Variants in CADPS observed in about 807,000 individuals in gnomAD.
CADPS encodes the protein calcium dependent secretion activator.
Under a neutral mutation model 167.3 loss-of-function variants are expected in CADPS, and 57 were observed. The observed-to-expected ratio is 0.34, with a 90% CI of 0.28 to 0.42. The LOEUF is 0.42. Ranked by LOEUF, CADPS falls within the 20% of genes least tolerant of loss-of-function variation. CADPS has a pLI of 1.00. For synonymous variants in CADPS, 676 were observed against 635.3 expected (o/e 1.06, Z -0.96); for missense variants, 1,414 against 1,738.1 (o/e 0.81, Z 3.32).
intron 1 of CADPS, among the ~76,000 whole-genome samples, chr3:62,819,688 G>T (rs1199816026): frequency 6.6e-6 from 1 of 152,046 alleles, no homozygotes; most frequent in Non-Finnish European, 1.5e-5. Flanking sequence ...CAGTCATATG[G>T]GCACTCCATC....
rs56068003 is a variant in CADPS, at chr3:62,400,604, T to TC, written c.3883-1020_3883-1019insG. On this transcript the variant is annotated intron_variant, in intron 29 of 29. Coordinates refer to ENST00000383710, the MANE Select transcript of CADPS (RefSeq NM_003716.4). ...ATCATTCTTTCTTTTTTTTTTTCTT[T>TC]TTTTTTTTTTTTCAAGATGGCATCT... 6.4e-3 allele frequency among the ~76,000 whole-genome samples: 893 copies of TC among 138,812 alleles called. 12 individuals are homozygous for TC. The highest frequency in any genetic ancestry group is 0.022 in the African/African-American group (837 of 37,942). The allele number at this position is 138,812 out of a possible 152,430, so 91.1% of individuals were successfully genotyped here. A position where few individuals can be genotyped will look rare whatever the true frequency, so the allele number is the denominator to read the frequency against.
intron 26 of CADPS, among the ~76,000 whole-genome samples, chr3:62,447,221 C>T (rs1293983196): frequency 1.3e-5 from 2 of 152,178 alleles, no homozygotes; most frequent in African/African-American, 4.8e-5. Flanking sequence ...ATACTGTGTA[C>T]TTTGCAGGGC....
chr3:62,767,414 C>T (rs1002763612), intron 1 of CADPS, among the ~76,000 whole-genome samples: 4 of 152,094 alleles, frequency 2.6e-5, no homozygotes, highest in African/African-American at 9.6e-5. Context: ...TTCTAATTAC[C>T]CATTGTCCTG....
In CADPS at chr3:62,491,415, ATCT is replaced by A; in HGVS notation, c.2947_2949del (p.Arg983del). 6.2e-7 allele frequency: 1 copy of A among 1,614,058 alleles called. No homozygotes were observed. Among genetic ancestry groups the A allele is most frequent in the Admixed American group, 1.7e-5 (1 of 60,018 alleles). On this transcript the variant is annotated inframe_deletion, in exon 21 of 30. Transcript: ENST00000383710. Reference sequence around the variant, plus strand: ...ATTGAGGACTCCATCAGATCCACATATCTAACAACAAGTGGGGCAAACAGGTCT... The same window carrying A: ...ATTGAGGACTCCATCAGATCCACATAAACAACAAGTGGGGCAAACAGGTCT...
intron 4 of CADPS, among the ~76,000 whole-genome samples, chr3:62,652,031 T>C (rs1300886033): frequency 6.6e-6 from 1 of 152,144 alleles, no homozygotes; most frequent in Non-Finnish European, 1.5e-5. Context: ...ACAACTGAGA[T>C]TTTTGTTAAA....
intron 3 of CADPS, among the ~76,000 whole-genome samples, chr3:62,701,834 A>G (rs1342266297): frequency 6.6e-6 from 1 of 152,062 alleles, no homozygotes; most frequent in African/African-American, 2.4e-5. Context: ...AAGGAAAACA[A>G]AAACTCAGGA....
chr3:62,497,279 C>T (rs991633121), intron 18 of CADPS, among the ~76,000 whole-genome samples: 1 of 152,158 alleles, frequency 6.6e-6, no homozygotes, highest in Non-Finnish European at 1.5e-5. Context: ...TGTCATTTTT[C>T]TTCTCCTCTG....
At chr3:62,492,563 G>T (rs2063927910) in intron 19 of CADPS, 117 bp from the exon 20 acceptor site, 1 of 1,005,760 alleles carries the variant, frequency 9.9e-7, no homozygotes, top group Non-Finnish European at 1.5e-6. Context: ...GCAGGGTTTG[G>T]TAATTTTATT....
intron 22 of CADPS, 85 bp downstream of exon 22, chr3:62,481,638 T>C (rs1191481405): frequency 2.3e-5 from 28 of 1,219,908 alleles, no homozygotes; most frequent in African/African-American, 7.8e-5. Flanking sequence ...ATCTCTGTTA[T>C]ATAGGATGTA....
At chr3:62,817,286 T>C (rs1354090658) in intron 1 of CADPS, among the ~76,000 whole-genome samples, 1 of 152,116 alleles carries the variant, frequency 6.6e-6, no homozygotes, top group Non-Finnish European at 1.5e-5. Flanking sequence ...TTGAGAAAGG[T>C]ATATTTTTGC....
At chr3:62,673,054 AC>A (rs1377347043) in intron 3 of CADPS, among the ~76,000 whole-genome samples, 2 of 151,100 alleles carry the variant, frequency 1.3e-5, no homozygotes, top group African/African-American at 2.4e-5. Context: ...CTCTTTTATC[AC>A]TCCCATCACA....
intron 1 of CADPS, among the ~76,000 whole-genome samples, chr3:62,842,593 A>C (rs2076797970): frequency 6.6e-6 from 1 of 152,212 alleles, no homozygotes; most frequent in African/African-American, 2.4e-5. Flanking sequence ...CTTGCACTAT[A>C]ATAGGCACAT....
chr3:62,425,609 C>G (rs985791058), intron 28 of CADPS, among the ~76,000 whole-genome samples: 1 of 152,168 alleles, frequency 6.6e-6, no homozygotes, highest in South Asian at 2.1e-4. Context: ...CAAAATTACA[C>G]GCATATAAAA....
At chr3:62,744,016 C>T (rs1341112940) in intron 3 of CADPS, among the ~76,000 whole-genome samples, 1 of 152,190 alleles carries the variant, frequency 6.6e-6, no homozygotes, top group Non-Finnish European at 1.5e-5. Flanking sequence ...GCTTTGAAGT[C>T]TTGAAATGTT....
intron 1 of CADPS, among the ~76,000 whole-genome samples, chr3:62,789,272 A>G (rs186879262): frequency 2.3e-4 from 35 of 152,296 alleles, no homozygotes; most frequent in Admixed American, 3.9e-4. Context: ...TGCTATTACA[A>G]GTGAGGAAAC....
intron 1 of CADPS, among the ~76,000 whole-genome samples, chr3:62,783,282 C>CTT (rs76514617): frequency 1.4e-5 from 2 of 144,890 alleles, no homozygotes; most frequent in Admixed American, 6.9e-5. Context: ...TGCACCTCAA[C>CTT]TTTTTTTTTT....
intron 21 of CADPS, among the ~76,000 whole-genome samples, chr3:62,484,683 A>C (rs73842421): frequency 0.019 from 2,844 of 152,266 alleles, 66 homozygotes; most frequent in African/African-American, 0.059. Flanking sequence ...AGATGTGTGC[A>C]CGTCTCATCA....
intron 3 of CADPS, among the ~76,000 whole-genome samples, chr3:62,719,640 T>C (rs1342553941): frequency 6.6e-6 from 1 of 152,232 alleles, no homozygotes; most frequent in Non-Finnish European, 1.5e-5. Flanking sequence ...ATATAAATAA[T>C]TGGGTAATCT....
At chr3:62,515,751 A>G (rs1412988209) in intron 16 of CADPS, among the ~76,000 whole-genome samples, 1 of 152,144 alleles carries the variant, frequency 6.6e-6, no homozygotes, top group Non-Finnish European at 1.5e-5. Context: ...ATAGGAAAAC[A>G]TCAGCCACAG....
Sources: gnomAD v4.1 joint callset for allele counts (sites outside exome capture counted in the v4.1 genomes callset) on GRCh38, gnomAD v4.1.1 for gene constraint, MANE v1.5 for transcripts, NCBI Gene and HGNC (gene_info 2026-07-23, HGNC 2026-07-21) for gene names.